The following TTF1 variants were observed in gnomAD, a reference collection of about 807,000 sequenced individuals.
TTF1 encodes transcription termination factor 1.
TTF1 carries 64 observed loss-of-function variants against 80.2 expected under a neutral mutation model. That is an observed-to-expected ratio of 0.80 (90% CI 0.65 to 0.98). TTF1 has a LOEUF of 0.98. TTF1 is among the 50% of genes least tolerant of loss of function. The probability of loss-of-function intolerance (pLI) is 0.00; values close to 1 mark genes in which losing one functional copy is unlikely to be tolerated. For missense variants in TTF1, 1,023 were observed against 1,086.2 expected (o/e 0.94, Z 0.82); for synonymous variants, 372 against 382.7 (o/e 0.97, Z 0.33).
Position 132,402,500 on chromosome 9 carries a change from C to T in TTF1, c.322G>A (p.Asp108Asn). ...GGTGTGTTGTTAATATTTTCTTTAT[C>T]CACAAGGACAACTGTAACACCTGCT... ...EEAGVTVVLV[D>N]KENINNTPKH... Residue 108 changes from aspartate (D) to asparagine (N), a missense_variant, in exon 2 of 11, where the codon GAT (aspartate) becomes AAT (asparagine). By Grantham distance (23) the Asp-to-Asn change is conservative. Coordinates refer to ENST00000334270, the MANE Select transcript of TTF1 (RefSeq NM_007344.4). 3 of 1,614,182 alleles carry T rather than the reference C, an allele frequency of 1.9e-6. No homozygotes were observed. Among genetic ancestry groups the T allele is most frequent in the Non-Finnish European group, 2.5e-6 (3 of 1,180,042 alleles).
intron 7 of TTF1, among the ~76,000 whole-genome samples, chr9:132,389,821 T>C (rs499566): frequency 4.4e-4 from 67 of 152,240 alleles, no homozygotes; most frequent in African/African-American, 1.5e-3. Flanking sequence ...GGACTGAAAC[T>C]GTCTCTATGT....
chr9:132,392,861 A>G (rs1349592844), intron 5 of TTF1, among the ~76,000 whole-genome samples: 1 of 152,246 alleles, frequency 6.6e-6, no homozygotes, highest in Non-Finnish European at 1.5e-5. Context: ...AATATATTTC[A>G]TTGAACTCAA....
chr9:132,392,285 A>C, intron 5 of TTF1, 79 bp from the exon 6 acceptor site: 1 of 1,540,608 alleles, frequency 6.5e-7, no homozygotes, highest in South Asian at 1.2e-5. Context: ...AGTACGCAGC[A>C]ATCGTGGGGA....
At chr9:132,397,525 G>A (rs935236692) in intron 4 of TTF1, among the ~76,000 whole-genome samples, 4 of 152,218 alleles carry the variant, frequency 2.6e-5, no homozygotes, top group Non-Finnish European at 5.9e-5. Flanking sequence ...TGCGTATAAG[G>A]ATGTGCTTTG....
chr9:132,388,014 A>G (rs1849499775), intron 8 of TTF1, 125 bp downstream of exon 8: 1 of 644,370 alleles, frequency 1.6e-6, no homozygotes, highest in Non-Finnish European at 2.7e-6. Flanking sequence ...CCCACAATAC[A>G]TGCGGAAAGT....
intron 10 of TTF1, among the ~76,000 whole-genome samples, chr9:132,376,738 T>C (rs1361723174): frequency 6.6e-6 from 1 of 150,972 alleles, no homozygotes; most frequent in Non-Finnish European, 1.5e-5. Context: ...TCACACTCAC[T>C]GAAGCCTGGA....
rs542141548 is a variant in TTF1 at position 132,395,084 on chromosome 9, C to T, written c.1856+1349G>A. 4.7e-5 allele frequency among the ~76,000 whole-genome samples: 7 copies of T among 150,428 alleles called. No homozygotes were observed. The East Asian group carries it at 1.2e-3, about 25-fold the overall frequency. On this transcript the variant is annotated intron_variant, in intron 5 of 10. Transcript: ENST00000334270. ...GTGGGTGCCTGTAGTCCCAGCTACC[C>T]GGGAGGCTGAGACAGGAGAATTGCT...
intron 4 of TTF1, among the ~76,000 whole-genome samples, chr9:132,396,758 C>T (rs1012042591): frequency 8.6e-5 from 13 of 151,716 alleles, no homozygotes; most frequent in African/African-American, 2.7e-4. Flanking sequence ...ACCTCCATCT[C>T]TTGGGTTCAA....
At chr9:132,378,203 G>A (rs1385664057) in intron 10 of TTF1, among the ~76,000 whole-genome samples, 4 of 123,808 alleles carry the variant, frequency 3.2e-5, no homozygotes, top group Admixed American at 1.6e-4. Flanking sequence ...GTGCATGTGC[G>A]TGTGAATGCA....
chr9:132,380,161 CA>C (rs1849343952), intron 9 of TTF1, among the ~76,000 whole-genome samples: 2 of 152,102 alleles, frequency 1.3e-5, no homozygotes. Context: ...CTTCTGCCTC[CA>C]AGGTTCAGGT....
intron 1 of TTF1, among the ~76,000 whole-genome samples, chr9:132,404,892 T>TC (rs1020345297): frequency 2.6e-5 from 4 of 152,048 alleles, no homozygotes; most frequent in African/African-American, 9.7e-5. Context: ...TTCTTTTTTT[T>TC]CTTTTTTTTT....
rs774195151 is a variant in TTF1, at chr9:132,388,197, C to T, written c.2254G>A (p.Gly752Ser). Residue 752 changes from glycine to serine, a missense_variant, in exon 8 of 11, where the codon GGT (glycine) becomes AGT (serine). By Grantham distance (56) the Gly-to-Ser change is moderately conservative. Coordinates refer to ENST00000334270, the MANE Select transcript of TTF1 (RefSeq NM_007344.4). ...TEILTKRMTN[G>S]RRIYYGMNAL... Reference sequence around the variant, plus strand: ...TTCATGCCATAGTAGATACGCCGACCATTAGTCATCCTCTTGGTTAGAATT... The same window carrying T: ...TTCATGCCATAGTAGATACGCCGACTATTAGTCATCCTCTTGGTTAGAATT... 1 of 1,611,100 alleles carries T rather than the reference C, an allele frequency of 6.2e-7. No homozygotes were observed.
chr9:132,375,742 G>C lies in TTF1; in HGVS notation c.*173C>G, dbSNP rs1849159747. 1.1e-5 allele frequency: 6 copies of C among 567,698 alleles called. No individual in the cohort carries two copies. The highest frequency in any genetic ancestry group is 1.9e-5 in the Non-Finnish European group (6 of 319,414). 35.2% of individuals were successfully genotyped at this position (567,698 alleles called of 1,614,324 possible). ...AGTAATCTCTCTCTCTCATGCGGTG[G>C]TGCGATCTTGGCTCACTGCAACCTC... is the stretch of plus-strand genomic sequence containing the variant. On this transcript the variant is annotated 3_prime_UTR_variant, in exon 11 of 11. Coordinates refer to ENST00000334270, the MANE Select transcript of TTF1 (RefSeq NM_007344.4).
intron 9 of TTF1, among the ~76,000 whole-genome samples, chr9:132,380,356 G>A (rs1319500490): frequency 6.6e-6 from 1 of 152,198 alleles, no homozygotes. Flanking sequence ...TGGGACTACA[G>A]GCATGAGCCA....
intron 6 of TTF1, 78 bp downstream of exon 6, chr9:132,391,998 A>G: frequency 1.9e-6 from 3 of 1,591,556 alleles, no homozygotes; most frequent in Non-Finnish European, 1.7e-6. Flanking sequence ...ATTTCCGGGC[A>G]TTGGATCGGT....
chr9:132,399,223 A>C (rs1849715094), intron 3 of TTF1, among the ~76,000 whole-genome samples: 1 of 151,596 alleles, frequency 6.6e-6, no homozygotes, highest in Admixed American at 6.6e-5. Context: ...AAGAAAAAAA[A>C]AAAAGTCTTT....
rs182108912 is a variant in TTF1 at position 132,388,122 on chromosome 9, G to A, written c.2312+17C>T. On this transcript the variant is annotated intron_variant, in intron 8 of 10. Coordinates refer to ENST00000334270, the MANE Select transcript of TTF1 (RefSeq NM_007344.4). ...AGACAGAAACAGTTAAGAGGCATCC[G>A]TTTCTATTTTTCATACCTTTCAATA... 362 of 1,594,642 alleles carry A rather than the reference G, an allele frequency of 2.3e-4. No individual in the cohort carries two copies. In the African/African-American group the frequency reaches 3.8e-3, roughly 17 times the overall value.
At chr9:132,377,813 G>GTGCATGTGGTGTGTGTGAA (rs1329273767) in intron 10 of TTF1, among the ~76,000 whole-genome samples, 1 of 138,994 alleles carries the variant, frequency 7.2e-6, no homozygotes, top group Non-Finnish European at 1.5e-5. Context: ...TGTGGTGTGA[G>GTGCATGTGGTGTGTGTGAA]TGCATGTGGT....
rs1466010706 is a variant in TTF1, at chr9:132,402,348, G to A, written c.474C>T (p.Ala158=). Residue 158 remains alanine (A), a synonymous_variant, in exon 2 of 11, where the codon GCC becomes GCT. Coordinates refer to ENST00000334270, the MANE Select transcript of TTF1 (RefSeq NM_007344.4). ...TTTTCTCCCTAACTTTACTGTGCAGGGCTTCTGATTTATGTGCATGTGACT... is the reference window on the plus strand; with the variant it reads ...TTTTCTCCCTAACTTTACTGTGCAGAGCTTCTGATTTATGTGCATGTGACT... ...LAKSHAHKSE[A]LHSKVREKKN... The A allele has an allele frequency of 6.2e-7, 1 of 1,613,746 alleles. No homozygotes were observed. The highest frequency in any genetic ancestry group is 8.5e-7 in the Non-Finnish European group (1 of 1,179,988).
Sources: allele counts gnomAD v4.1 joint callset (sites outside exome capture counted in the v4.1 genomes callset), GRCh38; gene constraint gnomAD v4.1.1; transcripts MANE v1.5; gene names NCBI Gene and HGNC (gene_info 2026-07-23, HGNC 2026-07-21).